ARAP2: variants seen among roughly 807,000 people sequenced by gnomAD.
ARAP2 encodes arf-GAP with Rho-GAP domain, ANK repeat and PH domain-containing protein 2.
Under a neutral mutation model 194.5 loss-of-function variants are expected in ARAP2, and 148 were observed. The ratio of observed to expected loss-of-function variants is 0.76; its 90% CI spans 0.67 to 0.87. The LOEUF is 0.87. Ranked by LOEUF, ARAP2 falls within the 40% of genes least tolerant of loss-of-function variation. The probability of loss-of-function intolerance (pLI) is 0.00; values close to 1 mark genes in which losing one functional copy is unlikely to be tolerated. For missense variants in ARAP2, 2,128 were observed against 1,989.7 expected, an observed-to-expected ratio of 1.07 and a Z score of -1.32; for synonymous variants, 695 against 683.5, an observed-to-expected ratio of 1.02 and a Z score of -0.26.
Position 36,067,639 on chromosome 4 carries a change from G to A in ARAP2, c.*268C>T. The A allele has an allele frequency of 3.4e-6, 1 of 296,092 alleles. No individual in the cohort carries two copies. The highest frequency in any genetic ancestry group is 6.2e-6 in the Non-Finnish European group (1 of 160,114). The allele number at this position is 296,092 out of a possible 1,614,324, so 18.3% of individuals were successfully genotyped here. ...ACTTAACAGACAACTACTTTAAAAG[G>A]ACTGACCACCTAAGTAACCCAATGT... On this transcript the variant is annotated 3_prime_UTR_variant, in exon 33 of 33. Transcript: ENST00000303965.
At chr4:36,154,508 A>T (rs941716368) in intron 15 of ARAP2, among the ~76,000 whole-genome samples, 1 of 152,228 alleles carries the variant, frequency 6.6e-6, no homozygotes, top group African/African-American at 2.4e-5. Context: ...GGGAAAAAAT[A>T]TGGTTGAGGT....
At chr4:36,008,251 A>C (rs1284040538) in intron 9 of ARAP2, among the ~76,000 whole-genome samples, 2 of 152,144 alleles carry the variant, frequency 1.3e-5, no homozygotes. Context: ...TCCTAAGCAA[A>C]AAATAAATCT....
intron 31 of ARAP2, among the ~76,000 whole-genome samples, chr4:36,074,721 C>G (rs1727836914): frequency 6.6e-6 from 1 of 152,038 alleles, no homozygotes; most frequent in Non-Finnish European, 1.5e-5. Flanking sequence ...TAAATGCCTA[C>G]TCTTTATTTC....
downstream of ARAP2, among the ~76,000 whole-genome samples, chr4:36,064,315 C>T (rs538147178): frequency 3.3e-5 from 5 of 151,854 alleles, no homozygotes; most frequent in Admixed American, 6.6e-5. Flanking sequence ...TGGAAATAAG[C>T]CACCTCTGAC....
At chr4:36,164,875 G>T (rs749782549) in intron 11 of ARAP2, 39 bp downstream of exon 11, 9 of 1,592,198 alleles carry the variant, frequency 5.7e-6, no homozygotes, top group Non-Finnish European at 7.8e-6. Flanking sequence ...ATGCCAATCT[G>T]CCACAAAGCT....
chr4:36,123,042 T>G (rs760631352), intron 22 of ARAP2, among the ~76,000 whole-genome samples: 30 of 151,802 alleles, frequency 2.0e-4, no homozygotes, highest in Admixed American at 3.9e-4. Flanking sequence ...ATGGTGCAAG[T>G]GCAATCATCA....
chr4:36,108,056 AG>A (rs1718892524), intron 26 of ARAP2, among the ~76,000 whole-genome samples: 1 of 151,798 alleles, frequency 6.6e-6, no homozygotes. Context: ...ATTTTGAGAC[AG>A]GGTTTCACCC....
chr4:36,214,891 C>G (rs1429264193), intron 2 of ARAP2, among the ~76,000 whole-genome samples: 1 of 152,150 alleles, frequency 6.6e-6, no homozygotes, highest in Non-Finnish European at 1.5e-5. Flanking sequence ...ATTTGTGTAG[C>G]TTTTTGTCTT....
chr4:36,207,088 C>G (rs1012096292), intron 6 of ARAP2, among the ~76,000 whole-genome samples: 20 of 152,330 alleles, frequency 1.3e-4, no homozygotes, highest in African/African-American at 4.6e-4. Context: ...AGAGGCACAG[C>G]CATCCAACCA....
intron 6 of ARAP2, among the ~76,000 whole-genome samples, chr4:36,018,180 T>G (rs1446651095): frequency 6.6e-6 from 1 of 152,142 alleles, no homozygotes; most frequent in Non-Finnish European, 1.5e-5. Context: ...CTTCACCACT[T>G]ATTTGTCCCT....
chr4:36,031,094 C>A (rs569122654), intron 5 of ARAP2, among the ~76,000 whole-genome samples: 13 of 152,128 alleles, frequency 8.5e-5, no homozygotes, highest in Admixed American at 4.6e-4. Context: ...CGTGCCATTG[C>A]ACTCCAGTGT....
intron 19 of ARAP2, among the ~76,000 whole-genome samples, chr4:36,138,262 T>G (rs1727327175): frequency 6.6e-6 from 1 of 151,712 alleles, no homozygotes; most frequent in Non-Finnish European, 1.5e-5. Context: ...AGTGTATGGT[T>G]TGAAATATTT....
chr4:36,009,428 C>T (rs1713969652), intron 9 of ARAP2, among the ~76,000 whole-genome samples: 1 of 152,002 alleles, frequency 6.6e-6, no homozygotes, highest in Non-Finnish European at 1.5e-5. Context: ...ATAACCAAAT[C>T]ATGCTTGTTA....
rs921491724 is a variant in ARAP2, at chr4:36,231,833, CT to C, written c.-159-2189del. Among the ~76,000 whole-genome samples, 64 of 152,166 alleles carry C rather than the reference CT, an allele frequency of 4.2e-4. 4 individuals carry two copies. The highest frequency in any genetic ancestry group is 7.3e-5 in the Non-Finnish European group (5 of 68,040). ...GACCTACCGATTTTACTCCTTGCTACTGATAGAATTATGTCCTCCCAAAATT... is the reference window on the plus strand; with the variant it reads ...GACCTACCGATTTTACTCCTTGCTACGATAGAATTATGTCCTCCCAAAATT... On this transcript the variant is annotated intron_variant, in intron 1 of 32. Transcript: ENST00000303965.
intron 26 of ARAP2, 79 bp downstream of exon 26, chr4:36,114,091 A>G: frequency 1.0e-6 from 1 of 994,958 alleles, no homozygotes; most frequent in East Asian, 2.5e-5. Context: ...AAGACATAAA[A>G]TGTTTATAAA....
rs1329663715 is a variant in ARAP2 at position 36,244,167 on chromosome 4, C to T, written c.-160+12G>A. 6.6e-6 allele frequency: 1 copy of T among 152,008 alleles called. No individual in the cohort carries two copies. Among genetic ancestry groups the T allele is most frequent in the East Asian group, 2.0e-4 (1 of 5,108 alleles). 9.4% of individuals were successfully genotyped at this position (152,008 alleles called of 1,614,324 possible). A position where few individuals can be genotyped will look rare whatever the true frequency, so the allele number is the denominator to read the frequency against. On this transcript the variant is annotated intron_variant, in intron 1 of 32. Transcript: ENST00000303965. The stretch of plus-strand genomic sequence containing the variant: ...ATCCCGGCCCAGCCTTCCCGAGGCC[C>T]CGGGTACTCGCCTTGCGCTCGGGTC...
chr4:36,219,947 GC>G (rs1748794116), intron 2 of ARAP2, among the ~76,000 whole-genome samples: 1 of 152,106 alleles, frequency 6.6e-6, no homozygotes, highest in Non-Finnish European at 1.5e-5. Flanking sequence ...AATGGGCAAA[GC>G]TATACTGTTT....
chr4:36,077,261 C>T (rs1258841399), intron 31 of ARAP2, among the ~76,000 whole-genome samples: 2 of 152,084 alleles, frequency 1.3e-5, no homozygotes, highest in Admixed American at 6.6e-5. Flanking sequence ...CTTACCCATA[C>T]ACTATGTAAA....
At chr4:36,007,437 G>T (rs1380409811) in intron 9 of ARAP2, among the ~76,000 whole-genome samples, 1 of 152,150 alleles carries the variant, frequency 6.6e-6, no homozygotes, top group Non-Finnish European at 1.5e-5. Context: ...TAAAATGGAG[G>T]CAGAGATTGA....
Sources: allele counts gnomAD v4.1 joint callset (sites outside exome capture counted in the v4.1 genomes callset), GRCh38; gene constraint gnomAD v4.1.1; transcripts MANE v1.5; gene names NCBI Gene and HGNC (gene_info 2026-07-23, HGNC 2026-07-21).